Variants in ARFGEF2 observed in about 807,000 individuals in gnomAD.
ARFGEF2 encodes the protein brefeldin A-inhibited guanine nucleotide-exchange protein 2.
A neutral mutation model predicts 219.9 loss-of-function variants in ARFGEF2; 74 were observed. That is an observed-to-expected ratio of 0.34 (90% CI 0.28 to 0.41). The LOEUF is 0.41. ARFGEF2 is among the 10% of genes least tolerant of loss of function. ARFGEF2 has a pLI of 1.00. For missense variants in ARFGEF2, 1,743 were observed against 2,218.3 expected, an observed-to-expected ratio of 0.79 and a Z score of 4.30; for synonymous variants, 733 against 799.2, an observed-to-expected ratio of 0.92 and a Z score of 1.40.
At chr20:48,970,148 C>G (rs933960911) in intron 9 of ARFGEF2, among the ~76,000 whole-genome samples, 1 of 151,652 alleles carries the variant, frequency 6.6e-6, no homozygotes, top group Admixed American at 6.6e-5. Flanking sequence ...AACCCCACTT[C>G]TACTAAAAAT....
Position 49,033,439 on chromosome 20 carries a change from A to C in ARFGEF2, c.*240A>C. 1.9e-6 allele frequency: 1 copy of C among 521,016 alleles called. No individual in the cohort carries two copies. 32.3% of individuals were successfully genotyped at this position (521,016 alleles called of 1,614,324 possible). A position where few individuals can be genotyped will look rare whatever the true frequency, so the allele number is the denominator to read the frequency against. On this transcript the variant is annotated 3_prime_UTR_variant, in exon 39 of 39. Transcript: ENST00000371917. ...GTGGGGAGTCTGCTTCATTTCTATC[A>C]TTCCATTTTTCTGATTAAACTGTCA...
At chr20:48,997,812 G>T (rs1023570988) in intron 23 of ARFGEF2, among the ~76,000 whole-genome samples, 3 of 152,086 alleles carry the variant, frequency 2.0e-5, no homozygotes, top group African/African-American at 7.2e-5. Flanking sequence ...TTTATGCCCA[G>T]TACTAAGACA....
At chr20:48,988,940 C>G (rs2091341857) in intron 18 of ARFGEF2, among the ~76,000 whole-genome samples, 1 of 152,134 alleles carries the variant, frequency 6.6e-6, no homozygotes, top group African/African-American at 2.4e-5. Context: ...CAGATTGTGT[C>G]CGCCTTGATT....
At chr20:48,972,118 T>G (rs2091232103) in intron 10 of ARFGEF2, among the ~76,000 whole-genome samples, 1 of 152,182 alleles carries the variant, frequency 6.6e-6, no homozygotes. Flanking sequence ...CATTTCCACT[T>G]GGCAGCTCCC....
chr20:49,010,504 G>A, intron 27 of ARFGEF2, 100 bp downstream of exon 27: 1 of 1,385,002 alleles, frequency 7.2e-7, no homozygotes, highest in Admixed American at 1.8e-5. Flanking sequence ...TCCCTACCTT[G>A]GCTCTACTGT....
At chr20:49,016,469 T>C in intron 31 of ARFGEF2, 54 bp downstream of exon 31, 1 of 1,592,776 alleles carries the variant, frequency 6.3e-7, no homozygotes, top group Non-Finnish European at 8.5e-7. Context: ...TAATGAGAGG[T>C]TAGTTTTTTC....
At chr20:48,947,586 C>T (rs979701949) in intron 3 of ARFGEF2, among the ~76,000 whole-genome samples, 1 of 150,274 alleles carries the variant, frequency 6.7e-6, no homozygotes, top group Non-Finnish European at 1.5e-5. Flanking sequence ...TATGGCCAGG[C>T]GCAGTAGCTC....
chr20:48,996,842 T>C (rs2091393328), intron 23 of ARFGEF2, among the ~76,000 whole-genome samples: 1 of 151,472 alleles, frequency 6.6e-6, no homozygotes, highest in Admixed American at 6.6e-5. Flanking sequence ...TTATTTCTCT[T>C]TACTCAAAAC....
chr20:48,953,448 T>C, intron 5 of ARFGEF2, 108 bp from the exon 6 acceptor site: 1 of 1,030,058 alleles, frequency 9.7e-7, no homozygotes, highest in African/African-American at 1.6e-5. Context: ...AGTGCTGAAA[T>C]TATAGGCGTT....
chr20:48,991,332 C>T, intron 21 of ARFGEF2, 134 bp downstream of exon 21: 1 of 1,305,692 alleles, frequency 7.7e-7, no homozygotes, highest in Non-Finnish European at 1.1e-6. Flanking sequence ...TGGAAGTCAC[C>T]CTCTCTGGGG....
intron 14 of ARFGEF2, among the ~76,000 whole-genome samples, chr20:48,983,373 A>T (rs2091308374): frequency 6.6e-6 from 1 of 152,216 alleles, no homozygotes; most frequent in Admixed American, 6.5e-5. Flanking sequence ...AGTAAGTTCA[A>T]CTTAAGAGTT....
intron 11 of ARFGEF2, 152 bp downstream of exon 11, chr20:48,972,577 T>G: frequency 1.4e-6 from 1 of 723,524 alleles, no homozygotes; most frequent in Non-Finnish European, 2.4e-6. Context: ...CTCTCCTTTT[T>G]TAGAGGATGA....
At chr20:49,025,039 G>C (rs759998842) in intron 35 of ARFGEF2, among the ~76,000 whole-genome samples, 1 of 152,106 alleles carries the variant, frequency 6.6e-6, no homozygotes, top group Non-Finnish European at 1.5e-5. Context: ...GAAATAATTG[G>C]AGACACACAC....
rs1168967503 is a variant in ARFGEF2 at position 48,942,540 on chromosome 20, A to G, written c.276+553A>G. 2.2e-5 allele frequency among the ~76,000 whole-genome samples: 3 copies of G among 135,600 alleles called. No individual in the cohort carries two copies. In the East Asian group the frequency reaches 6.3e-4, roughly 29 times the overall value. The allele number at this position is 135,600 out of a possible 152,430, so 89.0% of individuals were successfully genotyped here. On this transcript the variant is annotated intron_variant, in intron 3 of 38. Coordinates refer to ENST00000371917, the MANE Select transcript of ARFGEF2 (RefSeq NM_006420.3). ...GCTCTTGTTGCCCAGACTGGAGTGC[A>G]ATGGCGCGACCTCAGCTCACTGCAA...
intron 21 of ARFGEF2, among the ~76,000 whole-genome samples, chr20:48,992,444 A>G (rs1313917981): frequency 6.6e-6 from 1 of 152,144 alleles, no homozygotes; most frequent in Non-Finnish European, 1.5e-5. Context: ...CTTCTTCCCC[A>G]TGTGGACCAC....
intron 6 of ARFGEF2, among the ~76,000 whole-genome samples, chr20:48,961,126 TAATA>T (rs1355365663): frequency 2.3e-5 from 3 of 132,122 alleles, no homozygotes; most frequent in Admixed American, 1.7e-4. Context: ...CTTTATTCAA[TAATA>T]AATTAATTTT....
chr20:48,989,175 T>G, intron 18 of ARFGEF2, 110 bp from the exon 19 acceptor site: 5 of 1,225,428 alleles, frequency 4.1e-6, no homozygotes, highest in Non-Finnish European at 6.0e-6. Context: ...ACTCACGAGA[T>G]GGTTGGGAGG....
At chr20:48,972,301 C>A in intron 10 of ARFGEF2, 25 bp from the exon 11 acceptor site, 1 of 1,526,582 alleles carries the variant, frequency 6.6e-7, no homozygotes, top group Non-Finnish European at 9.1e-7. Context: ...TAATTAGTGT[C>A]CTCCTTTGTC....
rs751110792 is a variant in ARFGEF2, at chr20:48,952,727, C to A, written c.446C>A (p.Ser149Tyr). The change falls in exon 5 of 39, where the codon TCC becomes TAC. Residue 149 changes from serine to tyrosine, a missense_variant. By Grantham distance (144) the Ser-to-Tyr change is moderately radical. Coordinates refer to ENST00000371917, the MANE Select transcript of ARFGEF2 (RefSeq NM_006420.3). ...IIKALLTAVTSPHIEIHEGTI... is the reference protein window; with the variant it reads ...IIKALLTAVTYPHIEIHEGTI... ...TAGGCTCTTCTGACTGCAGTGACTT[C>A]CCCACACATTGAAATTCATGAGGGT... is the stretch of plus-strand genomic sequence containing the variant. The A allele has an allele frequency of 1.5e-5, 25 of 1,614,066 alleles. No individual in the cohort carries two copies. Among genetic ancestry groups the A allele is most frequent in the Non-Finnish European group, 2.1e-5 (25 of 1,180,050 alleles).
Sources: gnomAD v4.1 joint callset for allele counts (sites outside exome capture counted in the v4.1 genomes callset) on GRCh38, gnomAD v4.1.1 for gene constraint, MANE v1.5 for transcripts, NCBI Gene and HGNC (gene_info 2026-07-23, HGNC 2026-07-21) for gene names.